ENTPD6: variants seen among roughly 807,000 people sequenced by gnomAD.
ENTPD6 encodes the protein ectonucleoside triphosphate diphosphohydrolase 6, also known as CD39 antigen-like 2.
ENTPD6 carries 46 observed loss-of-function variants against 61.5 expected under a neutral mutation model. The observed-to-expected ratio is 0.75, with a 90% confidence interval of 0.59 to 0.96. The LOEUF is 0.96. ENTPD6 is among the 40% of genes least tolerant of loss of function. The pLI is 0.00. For missense variants in ENTPD6, 612 were observed against 629.0 expected, an observed-to-expected ratio of 0.97 and a Z score of 0.29; for synonymous variants, 252 against 255.5, an observed-to-expected ratio of 0.99 and a Z score of 0.13.
At chr20:25,197,005 G>A (rs1468451146) in intron 1 of ENTPD6, 1 of 763,694 alleles carries the variant, frequency 1.3e-6, no homozygotes, top group East Asian at 1.3e-4. Flanking sequence ...GGTGTTGACG[G>A]GCGGTTCACG....
intron 1 of ENTPD6, among the ~76,000 whole-genome samples, chr20:25,199,815 T>C (rs1423444519): frequency 1.3e-5 from 2 of 152,240 alleles, no homozygotes; most frequent in Non-Finnish European, 2.9e-5. Context: ...AGAATTTACT[T>C]CCTTTTTAAA....
chr20:25,198,255 C>T (rs1182468841), intron 1 of ENTPD6, among the ~76,000 whole-genome samples: 1 of 152,136 alleles, frequency 6.6e-6, no homozygotes, highest in African/African-American at 2.4e-5. Context: ...GTGGGCAGAT[C>T]ATTTGAGGTC....
chr20:25,210,882 C>T (rs1251861261), intron 4 of ENTPD6, among the ~76,000 whole-genome samples: 2 of 152,172 alleles, frequency 1.3e-5, no homozygotes, highest in African/African-American at 4.8e-5. Flanking sequence ...GCAGAGGTTG[C>T]AGTAAGCTGA....
intron 11 of ENTPD6, 79 bp from the exon 12 acceptor site, chr20:25,222,759 C>A: frequency 6.4e-7 from 1 of 1,561,698 alleles, no homozygotes; most frequent in South Asian, 1.2e-5. Context: ...AGTCTCAAGT[C>A]CCCTGGGAGG....
intron 5 of ENTPD6, among the ~76,000 whole-genome samples, chr20:25,213,737 C>T (rs1409101714): frequency 6.6e-6 from 1 of 152,138 alleles, no homozygotes; most frequent in Non-Finnish European, 1.5e-5. Context: ...ATCATTTGAG[C>T]CCAGGAGTTC....
chr20:25,222,462 G>T lies in ENTPD6; in HGVS notation c.1046-376G>T, dbSNP rs778765568. On this transcript the variant is annotated intron_variant, in intron 11 of 14. Transcript: ENST00000376652. ...CCTCCACTTCCTTATCTATGACATA[G>T]GGAGGGTGCAGGCCCCCTGAGGAGG... The T allele has an allele frequency of 1.1e-4, 20 of 189,324 alleles. 1 individual carries two copies. Among genetic ancestry groups the T allele is most frequent in the South Asian group, 3.0e-4 (3 of 9,886 alleles). The allele number at this position is 189,324 out of a possible 1,614,324, so 11.7% of individuals were successfully genotyped here. A position where few individuals can be genotyped will look rare whatever the true frequency, so the allele number is the denominator to read the frequency against.
At chr20:25,224,846 G>A (rs762735920) in intron 13 of ENTPD6, 24 of 281,396 alleles carry the variant, frequency 8.5e-5, no homozygotes, top group Non-Finnish European at 9.3e-5. Context: ...GGAGTGGATT[G>A]TTCTGAGCTG....
At chr20:25,218,358 C>A (rs2092455644) in intron 9 of ENTPD6, among the ~76,000 whole-genome samples, 192 bp from the exon 10 acceptor site, 1 of 152,208 alleles carries the variant, frequency 6.6e-6, no homozygotes, top group African/African-American at 2.4e-5. Context: ...ATATGATAGG[C>A]CCTCGTGTGT....
intron 13 of ENTPD6, 183 bp from the exon 14 acceptor site, chr20:25,225,022 G>A (rs2092755490): frequency 3.4e-6 from 3 of 876,968 alleles, no homozygotes; most frequent in Non-Finnish European, 5.1e-6. Context: ...TGGCAGCCGG[G>A]GTTGCCGCCC....
At chr20:25,213,024 T>G (rs1216858878) in intron 4 of ENTPD6, among the ~76,000 whole-genome samples, 1 of 152,108 alleles carries the variant, frequency 6.6e-6, no homozygotes, top group Non-Finnish European at 1.5e-5. Context: ...TAAAAATTAG[T>G]CGGGCATGGT....
chr20:25,195,925 GC>G (rs2090336675), intron 1 of ENTPD6, 58 bp downstream of exon 1: 1 of 1,205,064 alleles, frequency 8.3e-7, no homozygotes, highest in South Asian at 4.2e-5. Context: ...CTGTAGGCGG[GC>G]CTCCCCCACG....
At chr20:25,197,496 C>T (rs146772318) in intron 1 of ENTPD6, among the ~76,000 whole-genome samples, 77 of 152,328 alleles carry the variant, frequency 5.1e-4, no homozygotes, top group African/African-American at 1.8e-3. Context: ...TTGTTTTCCT[C>T]AAAGAGTCTG....
Position 25,207,083 on chromosome 20 carries a change from A to G in ENTPD6, c.62A>G (p.Gln21Arg), listed in dbSNP as rs1401007450. The change falls in exon 3 of 15, where the codon CAG becomes CGG. Residue 21 changes from glutamine to arginine, a missense_variant. Gln to Arg is a conservative substitution (Grantham distance 43). Coordinates refer to ENST00000376652, the MANE Select transcript of ENTPD6 (RefSeq NM_001247.5). Reference sequence around the variant, plus strand: ...CTCCCCCCTTCCCACCAGCAGCCGCAGCACGGTCCTTGGCAAACAAGGATG... The same window carrying G: ...CTCCCCCCTTCCCACCAGCAGCCGCGGCACGGTCCTTGGCAAACAAGGATG... ...RKTSYIFQQP[Q>R]HGPWQTRMRK... 6.2e-7 allele frequency: 1 copy of G among 1,603,558 alleles called. No homozygotes were observed.
At chr20:25,212,140 G>A (rs548754959) in intron 4 of ENTPD6, among the ~76,000 whole-genome samples, 1 of 152,254 alleles carries the variant, frequency 6.6e-6, no homozygotes, top group African/African-American at 2.4e-5. Flanking sequence ...TGCAACCCAC[G>A]TGTCCCCACA....
chr20:25,205,303 G>A (rs1006330791), intron 1 of ENTPD6, among the ~76,000 whole-genome samples: 5 of 152,164 alleles, frequency 3.3e-5, no homozygotes, highest in South Asian at 2.1e-4. Flanking sequence ...GGGGGCATCC[G>A]GGAAGGGGGT....
chr20:25,211,736 T>G (rs1256616333), intron 4 of ENTPD6, among the ~76,000 whole-genome samples: 1 of 152,184 alleles, frequency 6.6e-6, no homozygotes, highest in African/African-American at 2.4e-5. Flanking sequence ...CTTTCTCTCT[T>G]GACAGTAGAA....
Position 25,225,223 on chromosome 20 carries a change from C to T in ENTPD6, c.1262C>T (p.Thr421Ile), listed in dbSNP as rs1260998416. 15 of 1,613,130 alleles carry T rather than the reference C, an allele frequency of 9.3e-6. No individual in the cohort carries two copies. The highest frequency in any genetic ancestry group is 1.3e-5 in the African/African-American group (1 of 74,866). ...AAKYVCRTLE[T>I]QPQSSPFSCM... ...TCCCCAGTGTGTCGGACCCTGGAGA[C>T]ACAGCCGCAGAGCAGCCCCTTCTCA... The change falls in exon 14 of 15, where the codon ACA becomes ATA. Residue 421 changes from threonine to isoleucine, a missense_variant. By Grantham distance (89) the Thr-to-Ile change is moderately conservative. Coordinates refer to ENST00000376652, the MANE Select transcript of ENTPD6 (RefSeq NM_001247.5).
chr20:25,224,556 C>T (rs2092741245), intron 13 of ENTPD6: 1 of 163,364 alleles, frequency 6.1e-6, no homozygotes, highest in Non-Finnish European at 1.3e-5. Context: ...CACTATGCCT[C>T]TCCACTGTCT....
At chr20:25,209,586 TA>T (rs2091810121) in intron 3 of ENTPD6, among the ~76,000 whole-genome samples, 2 of 150,096 alleles carry the variant, frequency 1.3e-5, no homozygotes, top group South Asian at 4.2e-4. Context: ...ATATAATCTT[TA>T]AAAAATAATT....
Sources: gnomAD v4.1 joint callset for allele counts (sites outside exome capture counted in the v4.1 genomes callset) on GRCh38, gnomAD v4.1.1 for gene constraint, MANE v1.5 for transcripts, NCBI Gene and HGNC (gene_info 2026-07-23, HGNC 2026-07-21) for gene names.